DST: variants seen among roughly 807,000 people sequenced by gnomAD.
DST encodes dystonin, also known as bullous pemphigoid antigen.
A neutral mutation model predicts 875.2 loss-of-function variants in DST; 253 were observed. The ratio of observed to expected loss-of-function variants is 0.29; its 90% CI spans 0.26 to 0.32. The LOEUF is 0.32. Among genes scored for constraint, DST ranks in the 10% least tolerant of loss-of-function variants. The pLI, the probability that DST is intolerant of heterozygous loss-of-function variation, is 1.00. For missense variants in DST, 8,287 were observed against 9,111.6 expected (o/e 0.91, Z 3.68); for synonymous variants, 3,124 against 3,197.1 (o/e 0.98, Z 0.77).
chr6:56,793,473 G>C (rs1295795372), intron 4 of DST, among the ~76,000 whole-genome samples: 1 of 152,144 alleles, frequency 6.6e-6, no homozygotes, highest in African/African-American at 2.4e-5. Flanking sequence ...CTTTTCTGTA[G>C]ACTTTAAGTT....
At chr6:56,922,595 GT>G (rs34252412) in intron 2 of DST, among the ~76,000 whole-genome samples, 1 of 151,408 alleles carries the variant, frequency 6.6e-6, no homozygotes. Context: ...TAAACCCTCT[GT>G]TTTTTTTGCC....
At chr6:56,625,738 A>T (rs960333665) in intron 34 of DST, among the ~76,000 whole-genome samples, 10 of 108,612 alleles carry the variant, frequency 9.2e-5, no homozygotes, top group African/African-American at 4.2e-4. Context: ...CTACTTATTT[A>T]AAAAAAAAAA....
At chr6:56,795,940 C>T (rs894242702) in intron 4 of DST, among the ~76,000 whole-genome samples, 2 of 152,294 alleles carry the variant, frequency 1.3e-5, no homozygotes, top group African/African-American at 2.4e-5. Context: ...ATGCATCTTT[C>T]CTCATGGTAC....
At chr6:56,637,204 T>C (rs1388663452) in intron 22 of DST, among the ~76,000 whole-genome samples, 1 of 152,228 alleles carries the variant, frequency 6.6e-6, no homozygotes, top group Non-Finnish European at 1.5e-5. Flanking sequence ...ATATAAATTC[T>C]TAAACCACTC....
intron 2 of DST, among the ~76,000 whole-genome samples, chr6:56,914,451 C>A (rs1289953429): frequency 6.6e-6 from 1 of 152,186 alleles, no homozygotes; most frequent in East Asian, 1.9e-4. Flanking sequence ...AGGCCAAATG[C>A]TGGTCAACAG....
intron 4 of DST, among the ~76,000 whole-genome samples, chr6:56,783,974 T>C (rs1364604048): frequency 6.6e-5 from 10 of 152,130 alleles, no homozygotes; most frequent in Admixed American, 3.3e-4. Flanking sequence ...TATTTCTCCT[T>C]CACTTATGAA....
chr6:56,558,132 C>A (rs1307245046), intron 58 of DST, among the ~76,000 whole-genome samples: 2 of 152,130 alleles, frequency 1.3e-5, no homozygotes, highest in African/African-American at 4.8e-5. Flanking sequence ...TCAGAAAATT[C>A]TTTTATGAGC....
chr6:56,709,307 A>T (rs1041705284), intron 5 of DST, among the ~76,000 whole-genome samples: 1 of 152,230 alleles, frequency 6.6e-6, no homozygotes, highest in African/African-American at 2.4e-5. Flanking sequence ...GATGACATGG[A>T]CAATATTTCA....
intron 4 of DST, chr6:56,843,392 A>G: frequency 8.8e-7 from 1 of 1,135,568 alleles, no homozygotes; most frequent in Non-Finnish European, 1.1e-6. Context: ...CGGGAGCCCG[A>G]GTCCCTCTCG....
chr6:56,820,786 T>C (rs973286024), intron 4 of DST, among the ~76,000 whole-genome samples: 1 of 152,180 alleles, frequency 6.6e-6, no homozygotes, highest in African/African-American at 2.4e-5. Context: ...TTCTTTTACT[T>C]TTAGTTTCTT....
intron 58 of DST, among the ~76,000 whole-genome samples, chr6:56,559,644 T>C (rs1476022417): frequency 6.6e-6 from 1 of 152,118 alleles, no homozygotes; most frequent in African/African-American, 2.4e-5. Flanking sequence ...GGGAAAATTA[T>C]TACCGTTCTC....
rs1428744259 is a variant in DST, at chr6:56,553,613, T to C, written c.15179A>G (p.His5060Arg). The C allele has an allele frequency of 2.5e-6, 4 of 1,611,656 alleles. No homozygotes were observed. The highest frequency in any genetic ancestry group is 2.5e-6 in the Non-Finnish European group (3 of 1,177,986). Reference sequence around the variant, plus strand: ...ATCTCTAGACATTTGCTGAAATTGATGAGAGCTTGCACAGGCCGACTGAAG... The same window carrying C: ...ATCTCTAGACATTTGCTGAAATTGACGAGAGCTTGCACAGGCCGACTGAAG... ...QHLQSACASS[H>R]QFQQMSRDFQ... The change falls in exon 61 of 104, where the codon CAT becomes CGT. Residue 5060 changes from histidine to arginine, a missense_variant. Around this residue, in one of 10 missense-constraint regions of DST, gnomAD observed 1,513 missense variants for 1,677.8 expected, o/e 0.90. Transcript: ENST00000680361.
intron 90 of DST, among the ~76,000 whole-genome samples, chr6:56,477,943 A>G (rs930944862): frequency 6.6e-6 from 1 of 152,342 alleles, no homozygotes; most frequent in East Asian, 1.9e-4. Flanking sequence ...TATCTTCAGT[A>G]CAGATGCAAC....
chr6:56,880,499 C>T lies in DST; in HGVS notation c.417+19922G>A, dbSNP rs149498544. Among the ~76,000 whole-genome samples, 466 of 152,140 alleles carry T rather than the reference C, an allele frequency of 3.1e-3. 16 individuals are homozygous for T. The East Asian group carries it at 0.065, about 21-fold the overall frequency. On this transcript the variant is annotated intron_variant, in intron 3 of 103. Coordinates refer to ENST00000680361, the MANE Select transcript of DST (RefSeq NM_001374736.1). ...GGTCAGGAGTTCGAGACCAGACTGG[C>T]CAACATGGTAAAACCCTGTCTCTAC...
intron 75 of DST, 37 bp downstream of exon 75, chr6:56,508,492 C>A: frequency 6.6e-7 from 1 of 1,525,218 alleles, no homozygotes; most frequent in Non-Finnish European, 9.1e-7. Context: ...TATGCCACAA[C>A]TTATTTTTCT....
Position 56,636,560 on chromosome 6 carries a change from G to A in DST, c.3057C>T (p.Phe1019=), listed in dbSNP as rs1268016169. Residue 1019 remains phenylalanine (F), a synonymous_variant, in exon 23 of 104, where the codon TTC becomes TTT. Coordinates refer to ENST00000680361, the MANE Select transcript of DST (RefSeq NM_001374736.1). The part of the protein sequence containing the change: ...EQHIKENTAY[F]EFFNDAKEAT... ...AGTTATGATTCTACTCACATACCTC[G>A]AAATACGCTGTGTTCTCCTTTATGT... The A allele has an allele frequency of 3.7e-6, 6 of 1,611,736 alleles. No individual in the cohort carries two copies. The highest frequency in any genetic ancestry group is 4.5e-5 in the East Asian group (2 of 44,868).
intron 12 of DST, among the ~76,000 whole-genome samples, chr6:56,650,584 T>C (rs1285202681): frequency 6.6e-6 from 1 of 152,170 alleles, no homozygotes; most frequent in Admixed American, 6.5e-5. Flanking sequence ...AGATATTCTA[T>C]ACATACAAAA....
At position 56,594,199 on chromosome 6, in the gene DST, T is replaced by G; in HGVS notation, c.12196-6A>C. On this transcript the variant is annotated splice_polypyrimidine_tract_variant and splice_region_variant and intron_variant, in intron 47 of 103. Transcript: ENST00000680361. ...ATGATCTTCTCGTGTTGGGCCTATGTGAAAACAAATTGATCATAATCTTCA... is the reference window on the plus strand; with the variant it reads ...ATGATCTTCTCGTGTTGGGCCTATGGGAAAACAAATTGATCATAATCTTCA... 6.6e-7 allele frequency: 1 copy of G among 1,510,006 alleles called. No individual in the cohort carries two copies. The highest frequency in any genetic ancestry group is 8.8e-7 in the Non-Finnish European group (1 of 1,136,594). The allele number at this position is 1,510,006 out of a possible 1,614,324, so 93.5% of individuals were successfully genotyped here. A position where few individuals can be genotyped will look rare whatever the true frequency, so the allele number is the denominator to read the frequency against.
chr6:56,860,820 A>T (rs112516699), intron 3 of DST, among the ~76,000 whole-genome samples: 3,171 of 152,304 alleles, frequency 0.021, 105 homozygotes, highest in African/African-American at 0.072. Context: ...AGCTCTCAGG[A>T]TACAAAGTCC....
Sources: gnomAD v4.1 joint callset for allele counts (sites outside exome capture counted in the v4.1 genomes callset) on GRCh38, gnomAD v4.1.1 for gene constraint, gnomAD v4.1.1 regional missense constraint, MANE v1.5 for transcripts, NCBI Gene and HGNC (gene_info 2026-07-23, HGNC 2026-07-21) for gene names.